PARD3B: variants seen among roughly 807,000 people sequenced by gnomAD.
The protein encoded by PARD3B is par-3 family cell polarity regulator beta.
PARD3B carries 103 observed loss-of-function variants against 130.2 expected under a neutral mutation model. The observed-to-expected ratio is 0.79, with a 90% CI of 0.67 to 0.93. The LOEUF (loss-of-function observed/expected upper bound fraction) is 0.93. Among genes scored for constraint, PARD3B ranks in the 40% least tolerant of loss-of-function variants. The pLI, the probability that PARD3B is intolerant of heterozygous loss-of-function variation, is 0.00. For missense variants in PARD3B, 1,609 were observed against 1,499.2 expected (o/e 1.07, Z -1.21); for synonymous variants, 583 against 553.2 (o/e 1.05, Z -0.76).
At chr2:204,774,630 T>G (rs1008615127) in intron 2 of PARD3B, among the ~76,000 whole-genome samples, 1 of 152,180 alleles carries the variant, frequency 6.6e-6, no homozygotes, top group African/African-American at 2.4e-5. Flanking sequence ...ACTAGCCTAC[T>G]TTTTGATTGC....
At chr2:204,688,979 G>C (rs1249723048) in intron 2 of PARD3B, among the ~76,000 whole-genome samples, 1 of 152,178 alleles carries the variant, frequency 6.6e-6, no homozygotes, top group East Asian at 1.9e-4. Context: ...CAGGTGAGAA[G>C]TGGCATTAAG....
intron 22 of PARD3B, among the ~76,000 whole-genome samples, chr2:205,583,377 C>CTGTGTGTG (rs139162850): frequency 0.26 from 39,663 of 150,252 alleles, 5,255 homozygotes; most frequent in Admixed American, 0.3. Context: ...CTCCTAAGCT[C>CTGTGTGTG]TGTGTGTGTG....
Position 205,473,239 on chromosome 2 carries a change from G to T in PARD3B, c.3045-26657G>T, listed in dbSNP as rs375062980. ...ACTCTCCCTTTCCCATTAATAAAAAGGGGACTGATTTCATAAATTTAGCAT... is the reference window on the plus strand; with the variant it reads ...ACTCTCCCTTTCCCATTAATAAAAATGGGACTGATTTCATAAATTTAGCAT... On this transcript the variant is annotated intron_variant, in intron 20 of 22. Transcript: ENST00000406610. This position sits in a 1 kb window ranked among gnomAD's most constrained non-coding sequence, Gnocchi z 4.9. 2.6e-5 allele frequency among the ~76,000 whole-genome samples: 4 copies of T among 152,216 alleles called. No individual in the cohort carries two copies. The highest frequency in any genetic ancestry group is 3.9e-4 in the East Asian group (2 of 5,170).
At chr2:204,918,604 T>C (rs1484412572) in intron 2 of PARD3B, among the ~76,000 whole-genome samples, 4 of 136,616 alleles carry the variant, frequency 2.9e-5, no homozygotes, top group Non-Finnish European at 6.1e-5. Flanking sequence ...CACTCCAGCC[T>C]GGGCGACAGA....
intron 2 of PARD3B, among the ~76,000 whole-genome samples, chr2:204,875,485 G>C (rs1275582150): frequency 6.6e-6 from 1 of 152,094 alleles, no homozygotes; most frequent in East Asian, 1.9e-4. Context: ...ATAAAATGCA[G>C]ATTCTGATTA....
intron 2 of PARD3B, among the ~76,000 whole-genome samples, chr2:204,953,906 T>C (rs535624218): frequency 6.6e-6 from 1 of 151,600 alleles, no homozygotes; most frequent in Admixed American, 6.6e-5. Context: ...TAAAACTAAC[T>C]CGCAAAGACT....
At chr2:204,824,765 TC>T (rs1430675808) in intron 2 of PARD3B, among the ~76,000 whole-genome samples, 1 of 152,226 alleles carries the variant, frequency 6.6e-6, no homozygotes, top group Non-Finnish European at 1.5e-5. Flanking sequence ...CTATTTAGTT[TC>T]CCACTTCCAA....
At chr2:205,092,617 A>G (rs11901425) in intron 4 of PARD3B, among the ~76,000 whole-genome samples, 25,454 of 152,098 alleles carry the variant, frequency 0.17, 2,327 homozygotes, top group Middle Eastern at 0.21. Context: ...TTGACCCACG[A>G]TTAAGTCTAA....
At chr2:204,996,728 G>A (rs1301050161) in intron 3 of PARD3B, among the ~76,000 whole-genome samples, 4 of 149,690 alleles carry the variant, frequency 2.7e-5, no homozygotes, top group African/African-American at 9.8e-5. Context: ...CTAGCAATCA[G>A]CGAGATTCCG....
intron 7 of PARD3B, 80 bp downstream of exon 7, chr2:205,119,126 A>T: frequency 6.9e-7 from 1 of 1,451,070 alleles, no homozygotes; most frequent in Non-Finnish European, 9.1e-7. Context: ...TTATGATCAA[A>T]ATAGTAGGTA....
chr2:205,002,690 C>T (rs1258851027), intron 3 of PARD3B, among the ~76,000 whole-genome samples: 1 of 152,172 alleles, frequency 6.6e-6, no homozygotes, highest in Non-Finnish European at 1.5e-5. Context: ...TAACTTGCAA[C>T]AAGAGTCCCT....
At chr2:204,877,187 G>A (rs2045878705) in intron 2 of PARD3B, among the ~76,000 whole-genome samples, 1 of 152,076 alleles carries the variant, frequency 6.6e-6, no homozygotes, top group Admixed American at 6.6e-5. Flanking sequence ...GGTGGGAACT[G>A]AACAATGAGA....
intron 16 of PARD3B, among the ~76,000 whole-genome samples, chr2:205,297,163 C>G (rs1281844201): frequency 6.6e-6 from 1 of 151,994 alleles, no homozygotes; most frequent in Non-Finnish European, 1.5e-5. Flanking sequence ...GAAGAGTCAT[C>G]ATATTTTAGG....
rs985220134 is a variant in PARD3B at position 205,011,696 on chromosome 2, C to G, written c.395-35885C>G. ...AAAGACTCCTCTCCATGTGCCTTAC[C>G]TGAAGATTTAAGCCTGGGTGACAGT... On this transcript the variant is annotated intron_variant, in intron 3 of 22. Transcript: ENST00000406610. This position sits in a 1 kb window ranked among gnomAD's most constrained non-coding sequence, Gnocchi z 4.1. 6.6e-6 allele frequency among the ~76,000 whole-genome samples: 1 copy of G among 152,028 alleles called. No homozygotes were observed. The highest frequency in any genetic ancestry group is 2.4e-5 in the African/African-American group (1 of 41,372).
At chr2:205,464,186 G>T (rs184558827) in intron 20 of PARD3B, among the ~76,000 whole-genome samples, 2 of 152,184 alleles carry the variant, frequency 1.3e-5, no homozygotes, top group Admixed American at 6.5e-5. Flanking sequence ...TTGGAAAAAG[G>T]TTTGCCTTTG....
chr2:205,094,966 A>G lies in PARD3B; in HGVS notation c.505-9460A>G, dbSNP rs531490602. On this transcript the variant is annotated intron_variant, in intron 4 of 22. Coordinates refer to ENST00000406610, the MANE Select transcript of PARD3B (RefSeq NM_001302769.2). ...GGTGATGATTTGGAGTTACAAATGA[A>G]GCCCTAGTACCATATAAATGTCCAT... is the stretch of plus-strand genomic sequence containing the variant. Among the ~76,000 whole-genome samples the G allele has an allele frequency of 1.9e-3, 289 of 152,284 alleles. 1 individual carries two copies. The highest frequency in any genetic ancestry group is 6.5e-3 in the African/African-American group (271 of 41,562).
At chr2:204,565,601 A>G (rs972935773) in intron 1 of PARD3B, among the ~76,000 whole-genome samples, 1 of 152,262 alleles carries the variant, frequency 6.6e-6, no homozygotes, top group Non-Finnish European at 1.5e-5. Flanking sequence ...TCAAGCTCAC[A>G]GTGGTGGATA....
At chr2:204,912,255 C>T (rs561640187) in intron 2 of PARD3B, among the ~76,000 whole-genome samples, 3 of 152,230 alleles carry the variant, frequency 2.0e-5, no homozygotes, top group South Asian at 2.1e-4. Flanking sequence ...CATGAAAATG[C>T]GTAAGTGATG....
At chr2:205,385,577 A>G (rs964422771) in intron 18 of PARD3B, among the ~76,000 whole-genome samples, 1 of 152,094 alleles carries the variant, frequency 6.6e-6, no homozygotes, top group African/African-American at 2.4e-5. Flanking sequence ...GTGTGATTCT[A>G]CTTCATCTAC....
Sources: gnomAD v4.1 joint callset for allele counts (sites outside exome capture counted in the v4.1 genomes callset) on GRCh38, gnomAD v4.1.1 for gene constraint, Gnocchi (gnomAD v3.1) non-coding constraint, MANE v1.5 for transcripts, NCBI Gene and HGNC (gene_info 2026-07-23, HGNC 2026-07-21) for gene names.